Variants in CA10 observed in about 807,000 individuals in gnomAD.
CA10 encodes carbonic anhydrase 10 (inactive).
A neutral mutation model predicts 44.2 loss-of-function variants in CA10; 14 were observed. That is an observed-to-expected ratio of 0.32 (90% confidence interval 0.21 to 0.50). The LOEUF (loss-of-function observed/expected upper bound fraction) is 0.50. Ranked by LOEUF, CA10 falls within the 20% of genes least tolerant of loss-of-function variation. The pLI is 0.99. For synonymous variants in CA10, 159 were observed against 141.6 expected (o/e 1.12, Z -0.87); for missense variants, 350 against 409.7 (o/e 0.85, Z 1.26).
chr17:51,939,146 A>G (rs1263461020), intron 2 of CA10, among the ~76,000 whole-genome samples: 1 of 152,070 alleles, frequency 6.6e-6, no homozygotes, highest in African/African-American at 2.4e-5. Context: ...GTATATATAT[A>G]TTTGAGAGGT....
At chr17:52,138,821 T>G (rs536033972) in intron 1 of CA10, among the ~76,000 whole-genome samples, 1 of 152,176 alleles carries the variant, frequency 6.6e-6, no homozygotes, top group African/African-American at 2.4e-5. Context: ...TGTGAGCACC[T>G]CAAGTGCTTT....
chr17:51,749,559 A>C (rs1904822892), intron 3 of CA10, among the ~76,000 whole-genome samples: 1 of 152,224 alleles, frequency 6.6e-6, no homozygotes, highest in Non-Finnish European at 1.5e-5. Flanking sequence ...ACTGACCCAT[A>C]GGCTTGGAGC....
At chr17:51,684,019 T>C (rs552761672) in intron 4 of CA10, among the ~76,000 whole-genome samples, 1 of 152,244 alleles carries the variant, frequency 6.6e-6, no homozygotes, top group African/African-American at 2.4e-5. Flanking sequence ...TTGCCTTACA[T>C]GGAAAAATAA....
At chr17:51,962,184 A>G (rs1014307427) in intron 2 of CA10, among the ~76,000 whole-genome samples, 1 of 152,250 alleles carries the variant, frequency 6.6e-6, no homozygotes, top group African/African-American at 2.4e-5. Context: ...TCTACACTCT[A>G]TGATGAGGCA....
intron 2 of CA10, among the ~76,000 whole-genome samples, chr17:52,003,452 G>A (rs1004162859): frequency 3.3e-5 from 5 of 151,924 alleles, no homozygotes; most frequent in Non-Finnish European, 7.4e-5. Context: ...GAAGGCAGGG[G>A]CTGTGCTCAC....
intron 1 of CA10, among the ~76,000 whole-genome samples, chr17:52,132,567 G>C (rs1284353472): frequency 6.6e-6 from 1 of 152,176 alleles, no homozygotes; most frequent in African/African-American, 2.4e-5. Context: ...TCTGACTTCT[G>C]GGTTTCTGAC....
chr17:51,938,894 A>G (rs1352432311), intron 2 of CA10, among the ~76,000 whole-genome samples: 4 of 152,124 alleles, frequency 2.6e-5, no homozygotes, highest in Admixed American at 2.6e-4. Flanking sequence ...TCACCTGGCC[A>G]GTAGGTTAGG....
chr17:51,842,708 A>G (rs56210459), intron 3 of CA10, among the ~76,000 whole-genome samples: 1 of 149,672 alleles, frequency 6.7e-6, no homozygotes, highest in East Asian at 1.9e-4. Flanking sequence ...TTCATATTAA[A>G]CCTTTTTTTT....
intron 1 of CA10, among the ~76,000 whole-genome samples, chr17:52,092,262 T>C (rs371878525): frequency 1.3e-5 from 2 of 152,210 alleles, no homozygotes; most frequent in Admixed American, 6.5e-5. Flanking sequence ...GGGACTAATA[T>C]AGCATTTACT....
chr17:52,053,229 A>T (rs1380012939), intron 2 of CA10, among the ~76,000 whole-genome samples: 1 of 152,100 alleles, frequency 6.6e-6, no homozygotes, highest in African/African-American at 2.4e-5. Context: ...TAACCCTCTC[A>T]TTAAAAGTAG....
At chr17:51,718,224 TTTAAAATG>T (rs1916234978) in intron 4 of CA10, among the ~76,000 whole-genome samples, 1 of 23,302 alleles carries the variant, frequency 4.3e-5, no homozygotes, top group Non-Finnish European at 1.1e-4. Flanking sequence ...GAAAAAAAGA[TTTAAAATG>T]AAAAAAAGAT....
intron 2 of CA10, among the ~76,000 whole-genome samples, chr17:51,974,512 A>C (rs1453943396): frequency 6.6e-6 from 1 of 151,866 alleles, no homozygotes; most frequent in Non-Finnish European, 1.5e-5. Context: ...AAAACAAAAA[A>C]CTGTAACAAA....
At chr17:51,723,540 GAA>G (rs2143537345) in intron 4 of CA10, among the ~76,000 whole-genome samples, 1 of 151,488 alleles carries the variant, frequency 6.6e-6, no homozygotes, top group African/African-American at 2.4e-5. Context: ...TCATCTATGG[GAA>G]AGACACACAC....
At chr17:51,931,367 T>C (rs1982653408) in intron 2 of CA10, among the ~76,000 whole-genome samples, 2 of 152,160 alleles carry the variant, frequency 1.3e-5, no homozygotes, top group South Asian at 4.1e-4. Flanking sequence ...GGCCCACTCA[T>C]CCTGCAGTTT....
intron 1 of CA10, among the ~76,000 whole-genome samples, chr17:52,136,467 G>A (rs1989360868): frequency 1.3e-5 from 2 of 152,170 alleles, no homozygotes; most frequent in African/African-American, 2.4e-5. Context: ...AGAATTTAAG[G>A]AGCAAAACAC....
chr17:52,143,091 AC>A (rs1479996863), intron 1 of CA10, among the ~76,000 whole-genome samples: 6 of 152,206 alleles, frequency 3.9e-5, no homozygotes, highest in African/African-American at 1.4e-4. Flanking sequence ...TTTTAAGATC[AC>A]CAGATTAATA....
chr17:52,154,296 G>T (rs549010634), intron 1 of CA10, among the ~76,000 whole-genome samples: 12 of 152,210 alleles, frequency 7.9e-5, no homozygotes, highest in Admixed American at 2.6e-4. Context: ...GTGGGCTTTG[G>T]TTGCTATATC....
intron 6 of CA10, among the ~76,000 whole-genome samples, chr17:51,643,820 C>A (rs138626583): frequency 1.3e-5 from 2 of 152,302 alleles, no homozygotes; most frequent in Non-Finnish European, 2.9e-5. Flanking sequence ...CATTTTACAC[C>A]TAGTTTATAC....
intron 3 of CA10, among the ~76,000 whole-genome samples, chr17:51,854,162 C>T (rs573095755): frequency 3.3e-5 from 5 of 152,274 alleles, no homozygotes; most frequent in African/African-American, 4.8e-5. Flanking sequence ...GCTTGCTCTA[C>T]GGTTTTCTTT....
Sources: gnomAD v4.1 joint callset for allele counts (sites outside exome capture counted in the v4.1 genomes callset) on GRCh38, gnomAD v4.1.1 for gene constraint, MANE v1.5 for transcripts, NCBI Gene and HGNC (gene_info 2026-07-23, HGNC 2026-07-21) for gene names.